The following ETV1 variants were observed in gnomAD, a reference collection of about 807,000 sequenced individuals.
ETV1 encodes ETS translocation variant 1.
A neutral mutation model predicts 62.3 loss-of-function variants in ETV1; 27 were observed. The observed-to-expected ratio is 0.43, with a 90% CI of 0.32 to 0.60. ETV1 has a LOEUF of 0.60. Among genes scored for constraint, ETV1 ranks in the 20% least tolerant of loss-of-function variants. The pLI is 0.06. For synonymous variants in ETV1, 222 were observed against 199.6 expected (o/e 1.11, Z -0.94); for missense variants, 605 against 605.8 (o/e 1.00, Z 0.01).
chr7:13,943,866 A>G (rs1787849237), intron 6 of ETV1, among the ~76,000 whole-genome samples: 1 of 152,216 alleles, frequency 6.6e-6, no homozygotes, highest in Admixed American at 6.5e-5. Context: ...ATATCAATAT[A>G]AAGTTTAAAA....
chr7:13,954,886 C>T (rs1410563955), intron 6 of ETV1, among the ~76,000 whole-genome samples: 1 of 151,928 alleles, frequency 6.6e-6, no homozygotes, highest in East Asian at 1.9e-4. Context: ...GAAAGTTTGC[C>T]CAAAAAAAGA....
intron 6 of ETV1, among the ~76,000 whole-genome samples, chr7:13,968,510 G>A (rs1179288562): frequency 2.0e-5 from 3 of 150,500 alleles, no homozygotes; most frequent in Admixed American, 2.0e-4. Context: ...TAAGTATACA[G>A]AATATAAGTA....
chr7:13,896,178 A>G, intron 13 of ETV1, 91 bp from the exon 14 acceptor site: 2 of 1,004,742 alleles, frequency 2.0e-6, no homozygotes, highest in East Asian at 5.2e-5. Context: ...GGTTTAATAT[A>G]CAGGAAAGGA....
chr7:13,900,513 T>C (rs1184315335), intron 13 of ETV1: 1 of 407,562 alleles, frequency 2.5e-6, no homozygotes, highest in African/African-American at 2.1e-5. Context: ...AGTAGGACCT[T>C]CCAGAAAGCC....
Position 13,937,162 on chromosome 7 carries a change from C to T in ETV1, c.366-1266G>A, listed in dbSNP as rs139805507. Among the ~76,000 whole-genome samples the T allele has an allele frequency of 3.0e-3, 462 of 152,234 alleles. 3 individuals are homozygous for T. Among genetic ancestry groups the T allele is most frequent in the African/African-American group, 0.01 (432 of 41,518 alleles). On this transcript the variant is annotated intron_variant, in intron 7 of 13. Coordinates refer to ENST00000430479, the MANE Select transcript of ETV1 (RefSeq NM_004956.5). ...TTATTCTGTTGCTCCATCAATGCAA[C>T]GGAATTATATCCAGCTGCAAAAATC...
At chr7:13,949,226 A>G (rs1788516421) in intron 6 of ETV1, among the ~76,000 whole-genome samples, 1 of 152,222 alleles carries the variant, frequency 6.6e-6, no homozygotes. Context: ...AATTAGATAT[A>G]TTTAAGACCA....
chr7:13,938,267 T>A (rs1405948169), intron 7 of ETV1, among the ~76,000 whole-genome samples: 3 of 152,164 alleles, frequency 2.0e-5, no homozygotes, highest in African/African-American at 7.2e-5. Flanking sequence ...ATCTTACATA[T>A]CTTGGACATA....
Position 13,956,620 on chromosome 7 carries a change from C to T in ETV1, c.236-17374G>A, listed in dbSNP as rs1463516260. Among the ~76,000 whole-genome samples, 5 of 152,176 alleles carry T rather than the reference C, an allele frequency of 3.3e-5. No homozygotes were observed. In the South Asian group the frequency reaches 1.0e-3, roughly 32 times the overall value. The stretch of plus-strand genomic sequence containing the variant: ...AGCGTAACTAGGTAGCAGTGGTGTA[C>T]AGGTGTTATTGGAAATAGAAAATCT... On this transcript the variant is annotated intron_variant, in intron 6 of 13. Transcript: ENST00000430479.
intron 9 of ETV1, among the ~76,000 whole-genome samples, chr7:13,920,093 C>G (rs532628149): frequency 1.3e-5 from 2 of 152,198 alleles, no homozygotes; most frequent in South Asian, 2.1e-4. Context: ...CACTCCACCC[C>G]CTTCTAATTG....
intron 9 of ETV1, among the ~76,000 whole-genome samples, chr7:13,915,177 T>C (rs1784015698): frequency 6.6e-6 from 1 of 152,206 alleles, no homozygotes; most frequent in African/African-American, 2.4e-5. Context: ...GCTGGATTGA[T>C]TATACACTTG....
chr7:13,967,393 G>T (rs574218897), intron 6 of ETV1, among the ~76,000 whole-genome samples: 1 of 152,088 alleles, frequency 6.6e-6, no homozygotes, highest in East Asian at 1.9e-4. Context: ...AGATTCAAAA[G>T]ATTACATACA....
chr7:13,951,069 C>A (rs1180275206), intron 6 of ETV1, among the ~76,000 whole-genome samples: 3 of 151,976 alleles, frequency 2.0e-5, no homozygotes, highest in Non-Finnish European at 4.4e-5. Context: ...CAGTCCCCAC[C>A]ACTCCATTCC....
intron 9 of ETV1, among the ~76,000 whole-genome samples, chr7:13,918,737 C>T (rs191926071): frequency 0.073 from 7,152 of 97,784 alleles, 176 homozygotes; most frequent in South Asian, 0.15. Flanking sequence ...GGTGGGGGGA[C>T]GGGGGAGGGA....
At chr7:13,954,475 G>T (rs541538808) in intron 6 of ETV1, among the ~76,000 whole-genome samples, 1 of 152,012 alleles carries the variant, frequency 6.6e-6, no homozygotes, top group African/African-American at 2.4e-5. Context: ...TACTATTATC[G>T]TTCCATTCTT....
At chr7:13,983,724 A>C (rs1050115621) in intron 5 of ETV1, among the ~76,000 whole-genome samples, 11 of 151,116 alleles carry the variant, frequency 7.3e-5, no homozygotes, top group Non-Finnish European at 1.6e-4. Flanking sequence ...TAAAAAAAAA[A>C]CCTTTAAATT....
At chr7:13,910,443 G>A (rs929278485) in intron 10 of ETV1, 1 of 274,494 alleles carries the variant, frequency 3.6e-6, no homozygotes, top group Non-Finnish European at 5.6e-6. Flanking sequence ...AACAACAGAA[G>A]CAACAATAAT....
chr7:13,947,058 G>T (rs1470386823), intron 6 of ETV1, among the ~76,000 whole-genome samples: 1 of 152,190 alleles, frequency 6.6e-6, no homozygotes, highest in Admixed American at 6.5e-5. Context: ...TTATAGGCGT[G>T]AGCCACCACA....
At chr7:13,943,100 A>G (rs564537871) in intron 6 of ETV1, among the ~76,000 whole-genome samples, 4 of 152,334 alleles carry the variant, frequency 2.6e-5, no homozygotes, top group African/African-American at 9.6e-5. Flanking sequence ...TCATTTAACA[A>G]AATAAGAATT....
At chr7:13,911,182 G>C in intron 10 of ETV1, 57 bp downstream of exon 10, 1 of 1,133,704 alleles carries the variant, frequency 8.8e-7, no homozygotes, top group Non-Finnish European at 1.3e-6. Context: ...GTCATATTTG[G>C]GATGTCTGAT....
Sources: gnomAD v4.1 joint callset for allele counts (sites outside exome capture counted in the v4.1 genomes callset) on GRCh38, gnomAD v4.1.1 for gene constraint, MANE v1.5 for transcripts, NCBI Gene and HGNC (gene_info 2026-07-23, HGNC 2026-07-21) for gene names.